TICRR: variants seen among roughly 807,000 people sequenced by gnomAD.
TICRR encodes treslin.
A neutral mutation model predicts 178.1 loss-of-function variants in TICRR; 132 were observed. The observed-to-expected ratio is 0.74, with a 90% CI of 0.64 to 0.86. The LOEUF (loss-of-function observed/expected upper bound fraction) is 0.86, where lower values mean the gene tolerates loss of function less well. TICRR is among the 40% of genes least tolerant of loss of function. The pLI, the probability that TICRR is intolerant of heterozygous loss-of-function variation, is 0.00. For synonymous variants in TICRR, 991 were observed against 900.7 expected (o/e 1.10, Z -1.79); for missense variants, 2,587 against 2,334.3 (o/e 1.11, Z -2.23).
chr15:89,601,949 T>G lies in TICRR; in HGVS notation c.2540T>G (p.Leu847Arg). The G allele has an allele frequency of 6.2e-7, 1 of 1,614,150 alleles. No individual in the cohort carries two copies. The highest frequency in any genetic ancestry group is 8.5e-7 in the Non-Finnish European group (1 of 1,180,028). Residue 847 changes from leucine (L) to arginine (R), a missense_variant, in exon 12 of 22, where the codon CTT (leucine) becomes CGT (arginine). Transcript: ENST00000268138. The part of the protein sequence containing the change: ...GSPESDELQE[L>R]RTRSAKKRRK... ...CCTGAATCTGATGAACTGCAGGAAC[T>G]TCGTACCAGATCAGCCAAGAAGAGA... is the stretch of plus-strand genomic sequence containing the variant.
intron 9 of TICRR, among the ~76,000 whole-genome samples, chr15:89,601,048 G>GAA (rs71151515): frequency 0.51 from 37,913 of 74,210 alleles, 9,714 homozygotes; most frequent in Non-Finnish European, 0.56. Context: ...CCTGTCTCAG[G>GAA]AAAAAAAAAA....
In TICRR at chr15:89,620,640, G is replaced by A. The variant is rs1596057912; in HGVS notation, c.3155-753G>A. On this transcript the variant is annotated intron_variant, in intron 18 of 21. Coordinates refer to ENST00000268138, the MANE Select transcript of TICRR (RefSeq NM_152259.4). ...GTTGTTGTAGTTGCTGACATAAATA[G>A]GTGGGATTTTCCCGAGTTGCTCTCA... Among the ~76,000 whole-genome samples the A allele has an allele frequency of 2.6e-5, 3 of 116,140 alleles. No individual in the cohort carries two copies. The East Asian group carries it at 6.5e-4, about 25-fold the overall frequency. 76.2% of individuals were successfully genotyped at this position (116,140 alleles called of 152,430 possible). A position where few individuals can be genotyped will look rare whatever the true frequency, so the allele number is the denominator to read the frequency against.
intron 1 of TICRR, among the ~76,000 whole-genome samples, chr15:89,581,421 T>A (rs183606039): frequency 1.2e-4 from 18 of 152,122 alleles, no homozygotes; most frequent in Non-Finnish European, 2.1e-4. Context: ...TCAATAAAAG[T>A]TTGTTGACAG....
chr15:89,598,979 C>G (rs1410707855), intron 7 of TICRR, among the ~76,000 whole-genome samples: 1 of 152,024 alleles, frequency 6.6e-6, no homozygotes. Flanking sequence ...CCACTGCACT[C>G]CAGCCTGATT....
intron 7 of TICRR, among the ~76,000 whole-genome samples, chr15:89,597,582 C>G (rs1423357335): frequency 6.6e-6 from 1 of 151,802 alleles, no homozygotes; most frequent in Non-Finnish European, 1.5e-5. Flanking sequence ...CCAGGCTCTC[C>G]TGTTACATTG....
intron 2 of TICRR, among the ~76,000 whole-genome samples, chr15:89,583,244 G>T (rs1174747710): frequency 6.6e-6 from 1 of 152,178 alleles, no homozygotes; most frequent in Non-Finnish European, 1.5e-5. Flanking sequence ...TATTATTCAG[G>T]TGCCCAAGCA....
rs755164686 is a variant in TICRR, at chr15:89,601,785, A to C, written c.2376A>C (p.Leu792=). The C allele has an allele frequency of 3.7e-6, 6 of 1,614,032 alleles. No individual in the cohort carries two copies. In the Admixed American group the frequency reaches 8.3e-5, roughly 22 times the overall value. Residue 792 remains leucine, a synonymous_variant, in exon 12 of 22, where the codon CTA becomes CTC. Transcript: ENST00000268138. ...PKTLGNLYNS[L]GFVIPQKLAG... Reference sequence around the variant, plus strand: ...CACTTGGAAATCTTTACAACAGCCTAGGGTTTGTGATTCCTCAGAAGCTGG... The same window carrying C: ...CACTTGGAAATCTTTACAACAGCCTCGGGTTTGTGATTCCTCAGAAGCTGG...
chr15:89,576,745 A>G (rs1424753762), intron 1 of TICRR, among the ~76,000 whole-genome samples: 1 of 149,474 alleles, frequency 6.7e-6, no homozygotes, highest in Non-Finnish European at 1.5e-5. Flanking sequence ...CTCACCCTCC[A>G]TCTAGTCTAA....
In TICRR at chr15:89,623,749, C is replaced by G. The variant is rs376377438; in HGVS notation, c.3439C>G (p.Pro1147Ala). 5.0e-6 allele frequency: 8 copies of G among 1,614,028 alleles called. No individual in the cohort carries two copies. Among genetic ancestry groups the G allele is most frequent in the Non-Finnish European group, 5.9e-6 (7 of 1,180,002 alleles). ...RLQKSPAKMT[P>A]TKQAAFKESL... The stretch of plus-strand genomic sequence containing the variant: ...GCAGAAGTCCCCTGCAAAAATGACC[C>G]CTACAAAGCAGGCAGCTTTTAAGGA... The change falls in exon 20 of 22, where the codon CCT becomes GCT. Residue 1147 changes from proline (P) to alanine (A), a missense_variant. By Grantham distance (27) the Pro-to-Ala change is conservative. Transcript: ENST00000268138.
chr15:89,579,257 A>C (rs1206167294), intron 1 of TICRR, among the ~76,000 whole-genome samples: 2 of 152,168 alleles, frequency 1.3e-5, no homozygotes, highest in African/African-American at 4.8e-5. Context: ...CCAAATTTGA[A>C]ACTACCACTA....
chr15:89,624,789 A>G lies in TICRR; in HGVS notation c.4479A>G (p.Thr1493=). The part of the protein sequence containing the change: ...LSVEEGEGLR[T]ADAEKSSLSH... ...TGGAAGAGGGTGAGGGGCTAAGGAC[A>G]GCAGATGCTGAGAAGTCTTCTCTGT... is the stretch of plus-strand genomic sequence containing the variant. The change falls in exon 20 of 22, where the codon ACA becomes ACG. Residue 1493 remains threonine, a synonymous_variant. Coordinates refer to ENST00000268138, the MANE Select transcript of TICRR (RefSeq NM_152259.4). 6.2e-7 allele frequency: 1 copy of G among 1,614,236 alleles called. No homozygotes were observed. Among genetic ancestry groups the G allele is most frequent in the South Asian group, 1.1e-5 (1 of 91,090 alleles).
Position 89,575,752 on chromosome 15 carries a change from C to A in TICRR, c.166C>A (p.Arg56=). 6.2e-7 allele frequency: 1 copy of A among 1,609,280 alleles called. No individual in the cohort carries two copies. The highest frequency in any genetic ancestry group is 1.1e-5 in the South Asian group (1 of 90,510). The part of the protein sequence containing the change: ...AFKFFDSQGA[R]SRPSRVSDFR... ...CAAGTTCTTTGACTCGCAGGGGGCGCGGAGCCGGCCGTCCCGCGTGTCTGA... is the reference window on the plus strand; with the variant it reads ...CAAGTTCTTTGACTCGCAGGGGGCGAGGAGCCGGCCGTCCCGCGTGTCTGA... Residue 56 remains arginine, a synonymous_variant, in exon 1 of 22, where the codon CGG becomes AGG. Coordinates refer to ENST00000268138, the MANE Select transcript of TICRR (RefSeq NM_152259.4).
At chr15:89,578,076 C>T (rs1399861488) in intron 1 of TICRR, among the ~76,000 whole-genome samples, 1 of 152,012 alleles carries the variant, frequency 6.6e-6, no homozygotes, top group Non-Finnish European at 1.5e-5. Context: ...ACCTAGTAGG[C>T]AAGGGGAGCA....
chr15:89,614,112 C>T (rs905155920), intron 15 of TICRR, among the ~76,000 whole-genome samples: 1 of 151,948 alleles, frequency 6.6e-6, no homozygotes, highest in Non-Finnish European at 1.5e-5. Context: ...CGAGATCACG[C>T]CACTGCACTC....
intron 18 of TICRR, among the ~76,000 whole-genome samples, chr15:89,620,842 CCT>C (rs1235964709): frequency 1.3e-5 from 2 of 151,932 alleles, no homozygotes; most frequent in African/African-American, 4.8e-5. Flanking sequence ...CCTGCCTCAG[CCT>C]CCTGAGTAGC....
Position 89,625,227 on chromosome 15 carries a change from G to C in TICRR, c.4917G>C (p.Gly1639=). The C allele has an allele frequency of 6.2e-7, 1 of 1,613,626 alleles. No homozygotes were observed. The highest frequency in any genetic ancestry group is 8.5e-7 in the Non-Finnish European group (1 of 1,179,786). ...ACAGCACACCTGGCAAGAGCAGGGG[G>C]CAAACCTACATCTGCCAGGCCTGTA... ...LSHSTPGKSR[G]QTYICQACTP... The change falls in exon 20 of 22, where the codon GGG becomes GGC. Residue 1639 remains glycine, a synonymous_variant. Coordinates refer to ENST00000268138, the MANE Select transcript of TICRR (RefSeq NM_152259.4).
rs1180416532 is a variant in TICRR, at chr15:89,575,544, G to C, written c.-43G>C. Reference sequence around the variant, plus strand: ...TGAAGGAAGGGACTAAGGGACGGTGGCGCGGGCCCGGACCGGGGCCCCGGG... The same window carrying C: ...TGAAGGAAGGGACTAAGGGACGGTGCCGCGGGCCCGGACCGGGGCCCCGGG... On this transcript the variant is annotated 5_prime_UTR_variant, in exon 1 of 22. Transcript: ENST00000268138. 3 of 1,442,482 alleles carry C rather than the reference G, an allele frequency of 2.1e-6. No homozygotes were observed. In the East Asian group the frequency reaches 7.8e-5, roughly 37 times the overall value. The allele number at this position is 1,442,482 out of a possible 1,614,324, so 89.4% of individuals were successfully genotyped here.
At chr15:89,600,358 C>CT (rs1199482451) in intron 8 of TICRR, among the ~76,000 whole-genome samples, 1 of 152,142 alleles carries the variant, frequency 6.6e-6, no homozygotes, top group Non-Finnish European at 1.5e-5. Context: ...TTTTAAGACA[C>CT]TTTATTTAGG....
chr15:89,616,077 C>A (rs925170350), intron 15 of TICRR, among the ~76,000 whole-genome samples: 1 of 151,992 alleles, frequency 6.6e-6, no homozygotes, highest in African/African-American at 2.4e-5. Flanking sequence ...TAGAGATAGG[C>A]TTTCACCGTG....
Sources: allele counts gnomAD v4.1 joint callset (sites outside exome capture counted in the v4.1 genomes callset), GRCh38; gene constraint gnomAD v4.1.1; transcripts MANE v1.5; gene names NCBI Gene and HGNC (gene_info 2026-07-23, HGNC 2026-07-21).